Variants in RBFOX1 observed in about 807,000 individuals in gnomAD.
RBFOX1 encodes RNA binding protein fox-1 homolog 1.
In RBFOX1, 8 loss-of-function variants were observed where a neutral mutation model predicts 57.7. That is an observed-to-expected ratio of 0.14 (90% CI 0.08 to 0.25). The LOEUF is 0.25. RBFOX1 is among the 10% of genes least tolerant of loss of function. The pLI is 1.00. For missense variants in RBFOX1, 611 were observed against 548.5 expected (o/e 1.11, Z -1.14); for synonymous variants, 326 against 222.4 (o/e 1.47, Z -4.15).
At chr16:7,061,625 C>G (rs146485310) in intron 4 of RBFOX1, among the ~76,000 whole-genome samples, 2 of 152,174 alleles carry the variant, frequency 1.3e-5, no homozygotes, top group African/African-American at 4.8e-5. Context: ...TCTCCCTTTC[C>G]CTTGCTTTAA....
intron 3 of RBFOX1, among the ~76,000 whole-genome samples, chr16:6,780,578 A>T (rs891768099): frequency 7.2e-6 from 1 of 138,484 alleles, no homozygotes; most frequent in Non-Finnish European, 1.5e-5. Flanking sequence ...ATATTTATAT[A>T]TATATTTATA....
intron 10 of RBFOX1, among the ~76,000 whole-genome samples, chr16:7,620,905 C>A (rs2059211612): frequency 6.6e-6 from 1 of 152,112 alleles, no homozygotes; most frequent in Admixed American, 6.5e-5. Flanking sequence ...TGTATAGCAC[C>A]TGAAACCTAG....
intron 2 of RBFOX1, among the ~76,000 whole-genome samples, chr16:5,558,022 A>T (rs539894440): frequency 1.3e-5 from 2 of 152,116 alleles, no homozygotes; most frequent in Admixed American, 6.5e-5. Flanking sequence ...GGGCGGCCCA[A>T]CTCCGGGGGA....
chr16:6,215,537 A>G lies in RBFOX1; in HGVS notation c.-126-101458A>G, dbSNP rs552142362. On this transcript the variant is annotated intron_variant, in intron 1 of 15. Coordinates refer to ENST00000550418, the MANE Select transcript of RBFOX1 (RefSeq NM_018723.4). ...TTCTGAGTTTGTTTATTTCCCATGA[A>G]CGCTCCCCCAAATCCCTTGGGACTA... Among the ~76,000 whole-genome samples, 81 of 152,148 alleles carry G rather than the reference A, an allele frequency of 5.3e-4. 1 individual carries two copies. Among genetic ancestry groups the G allele is most frequent in the Middle Eastern group, 3.4e-3 (1 of 292 alleles).
intron 5 of RBFOX1, among the ~76,000 whole-genome samples, chr16:7,527,323 C>G (rs1204722659): frequency 6.6e-6 from 1 of 152,018 alleles, no homozygotes; most frequent in African/African-American, 2.4e-5. Flanking sequence ...AATACTGTGC[C>G]TGTTTTATTA....
rs191480826 is a variant in RBFOX1, at chr16:5,365,949, G to C, written c.220-101267G>C. 8 of 492,960 alleles carry C rather than the reference G, an allele frequency of 1.6e-5. No individual in the cohort carries two copies. In the East Asian group the frequency reaches 3.8e-4, roughly 24 times the overall value. The allele number at this position is 492,960 out of a possible 1,614,324, so 30.5% of individuals were successfully genotyped here. A position where few individuals can be genotyped will look rare whatever the true frequency, so the allele number is the denominator to read the frequency against. On this transcript the variant is annotated intron_variant, in intron 1 of 2. Coordinates refer to the RBFOX1 transcript ENST00000585867. Reference sequence around the variant, plus strand: ...TTTAAGAATGGTCAGTTTAGGGGCTGGTGTGAAGGATGAATCGTACATTGT... The same window carrying C: ...TTTAAGAATGGTCAGTTTAGGGGCTCGTGTGAAGGATGAATCGTACATTGT...
rs887717699 is a variant in RBFOX1, at chr16:6,825,355, C to T, written c.-16+170705C>T. 2.1e-4 allele frequency among the ~76,000 whole-genome samples: 32 copies of T among 151,562 alleles called. 1 individual carries two copies. The highest frequency in any genetic ancestry group is 3.4e-3 in the Middle Eastern group (1 of 294). Reference sequence around the variant, plus strand: ...ATGGCTGGTGTTGAGAATCAGTCTTCTAGATATTTTTAAATACACACTTAA... The same window carrying T: ...ATGGCTGGTGTTGAGAATCAGTCTTTTAGATATTTTTAAATACACACTTAA... On this transcript the variant is annotated intron_variant, in intron 3 of 15. Transcript: ENST00000550418.
intron 3 of RBFOX1, among the ~76,000 whole-genome samples, chr16:6,739,816 G>T (rs1053916627): frequency 2.0e-5 from 3 of 152,116 alleles, no homozygotes; most frequent in Admixed American, 2.0e-4. Flanking sequence ...GGCAGAGGTT[G>T]CAGTGAGCCA....
chr16:6,016,917 G>C (rs968531874), upstream of RBFOX1, among the ~76,000 whole-genome samples: 8 of 152,134 alleles, frequency 5.3e-5, no homozygotes, highest in Non-Finnish European at 1.0e-4. Flanking sequence ...CTCTAATTTT[G>C]TTTTAAATTG....
At chr16:6,851,628 C>A (rs80202688) in intron 3 of RBFOX1, among the ~76,000 whole-genome samples, 1 of 152,172 alleles carries the variant, frequency 6.6e-6, no homozygotes, top group African/African-American at 2.4e-5. Flanking sequence ...TGCCTCCTCT[C>A]AAGCCTCCTG....
At chr16:6,671,186 G>T (rs951695073) in intron 3 of RBFOX1, among the ~76,000 whole-genome samples, 2 of 152,100 alleles carry the variant, frequency 1.3e-5, no homozygotes, top group African/African-American at 2.4e-5. Flanking sequence ...AGCCACCATT[G>T]TTATTTTACT....
At position 7,053,926 on chromosome 16, in the gene RBFOX1, T is replaced by C. The variant is rs534388267; in HGVS notation, c.27+1828T>C. Among the ~76,000 whole-genome samples, 18 of 152,186 alleles carry C rather than the reference T, an allele frequency of 1.2e-4. No homozygotes were observed. In the South Asian group the frequency reaches 3.7e-3, roughly 32 times the overall value. ...CACATTTGATTGGATAGAGCACACA[T>C]ATATAGGGTTCAAAATTTAAATAGT... On this transcript the variant is annotated intron_variant, in intron 4 of 15. Coordinates refer to ENST00000550418, the MANE Select transcript of RBFOX1 (RefSeq NM_018723.4).
chr16:6,499,091 G>A (rs75167536), intron 2 of RBFOX1, among the ~76,000 whole-genome samples: 1 of 152,184 alleles, frequency 6.6e-6, no homozygotes, highest in Non-Finnish European at 1.5e-5. Context: ...ATTCAGCTCC[G>A]TGGAGCACTT....
chr16:7,172,451 C>T (rs1253188977), intron 4 of RBFOX1, among the ~76,000 whole-genome samples: 1 of 152,174 alleles, frequency 6.6e-6, no homozygotes, highest in African/African-American at 2.4e-5. Context: ...ATACATATTT[C>T]TCTGTCTCCC....
intron 3 of RBFOX1, among the ~76,000 whole-genome samples, chr16:6,837,072 G>T (rs936996023): frequency 1.3e-5 from 2 of 152,154 alleles, no homozygotes; most frequent in African/African-American, 2.4e-5. Flanking sequence ...AGTTGGAAAT[G>T]ATATATATTG....
chr16:6,946,681 C>T (rs1238623217), intron 3 of RBFOX1, among the ~76,000 whole-genome samples: 2 of 152,034 alleles, frequency 1.3e-5, no homozygotes, highest in African/African-American at 4.8e-5. Context: ...CAGTTCACTG[C>T]AATCTCAAAC....
chr16:5,593,436 C>A (rs1038600353), intron 2 of RBFOX1, among the ~76,000 whole-genome samples: 21 of 152,094 alleles, frequency 1.4e-4, no homozygotes, highest in African/African-American at 4.8e-4. Context: ...CACATGTATA[C>A]CTATGTAACA....
intron 2 of RBFOX1, among the ~76,000 whole-genome samples, chr16:5,598,268 A>G (rs2047253574): frequency 6.6e-6 from 1 of 151,984 alleles, no homozygotes; most frequent in African/African-American, 2.4e-5. Context: ...AGCATTGCAG[A>G]TGCTCCCTAG....
At chr16:6,621,063 T>A (rs1453671956) in intron 2 of RBFOX1, among the ~76,000 whole-genome samples, 1 of 152,222 alleles carries the variant, frequency 6.6e-6, no homozygotes, top group Non-Finnish European at 1.5e-5. Context: ...CTGCCAGCAA[T>A]CCTTGGCTTA....
Sources: gnomAD v4.1 joint callset for allele counts (sites outside exome capture counted in the v4.1 genomes callset) on GRCh38, gnomAD v4.1.1 for gene constraint, MANE v1.5 for transcripts, NCBI Gene and HGNC (gene_info 2026-07-23, HGNC 2026-07-21) for gene names.